HBP1: variants seen among roughly 807,000 people sequenced by gnomAD.
The protein encoded by HBP1 is HMG-box transcription factor 1.
HBP1 carries 20 observed loss-of-function variants against 62.6 expected under a neutral mutation model. The observed-to-expected ratio is 0.32, with a 90% CI of 0.22 to 0.46. HBP1 has a LOEUF of 0.46. Among genes scored for constraint, HBP1 ranks in the 20% least tolerant of loss-of-function variants. The pLI is 1.00. For missense variants in HBP1, 480 were observed against 611.8 expected (o/e 0.78, Z 2.27); for synonymous variants, 232 against 206.2 (o/e 1.12, Z -1.07).
At position 107,182,617 on chromosome 7, in the gene HBP1, A is replaced by G. The variant is rs1797164114; in HGVS notation, c.398+16A>G. 1 of 1,354,718 alleles carries G rather than the reference A, an allele frequency of 7.4e-7. No homozygotes were observed. The allele number at this position is 1,354,718 out of a possible 1,614,324, so 83.9% of individuals were successfully genotyped here. On this transcript the variant is annotated intron_variant, in intron 3 of 10. Coordinates refer to ENST00000222574, the MANE Select transcript of HBP1 (RefSeq NM_012257.4). ...TTTACAATAGGTAGGAGCATTTATT[A>G]TATTTTTATTGAAACATTCTATCAT...
At chr7:107,170,398 A>G (rs1796495593) in intron 1 of HBP1, among the ~76,000 whole-genome samples, 1 of 152,094 alleles carries the variant, frequency 6.6e-6, no homozygotes, top group Non-Finnish European at 1.5e-5. Flanking sequence ...AGTGATCTAA[A>G]TCTGCAATGT....
intron 7 of HBP1, chr7:107,189,826 T>A (rs1301741153): frequency 8.7e-6 from 2 of 229,880 alleles, no homozygotes; most frequent in East Asian, 2.0e-4. Flanking sequence ...TAAAGATGAT[T>A]TTATAATTCA....
At chr7:107,186,185 CA>C (rs1797366876) in intron 4 of HBP1, among the ~76,000 whole-genome samples, 175 bp from the exon 5 acceptor site, 1 of 106,342 alleles carries the variant, frequency 9.4e-6, no homozygotes, top group African/African-American at 3.3e-5. Context: ...TTTTTTTTAG[CA>C]AATTCTCCCA....
At chr7:107,177,707 G>C (rs1263862283) in intron 1 of HBP1, among the ~76,000 whole-genome samples, 1 of 151,894 alleles carries the variant, frequency 6.6e-6, no homozygotes, top group African/African-American at 2.4e-5. Context: ...TAGGCCAAAA[G>C]GTATCAAACT....
At position 107,182,505 on chromosome 7, in the gene HBP1, C is replaced by T. The variant is rs1429302230; in HGVS notation, c.302C>T (p.Thr101Ile). Reference protein sequence around the residue: ...WNQNTSDIPETTYRENEVDWL... With the variant: ...WNQNTSDIPEITYRENEVDWL... ...CAAAATACCTCAGACATACCAGAAACTACTTACCGTGAAAATGAGGTGGAC... is the reference window on the plus strand; with the variant it reads ...CAAAATACCTCAGACATACCAGAAATTACTTACCGTGAAAATGAGGTGGAC... The change falls in exon 3 of 11, where the codon ACT becomes ATT. Residue 101 changes from threonine to isoleucine, a missense_variant. Thr to Ile is a moderately conservative substitution (Grantham distance 89). Coordinates refer to ENST00000222574, the MANE Select transcript of HBP1 (RefSeq NM_012257.4). 1 of 1,613,382 alleles carries T rather than the reference C, an allele frequency of 6.2e-7. No individual in the cohort carries two copies. Among genetic ancestry groups the T allele is most frequent in the East Asian group, 2.2e-5 (1 of 44,876 alleles).
chr7:107,176,283 C>G (rs1393191195), intron 1 of HBP1, among the ~76,000 whole-genome samples: 2 of 152,096 alleles, frequency 1.3e-5, no homozygotes, highest in Non-Finnish European at 2.9e-5. Context: ...CTCGGCTTCC[C>G]AAAGTGCTGG....
chr7:107,192,068 A>G (rs1279650436), intron 8 of HBP1, among the ~76,000 whole-genome samples: 1 of 152,126 alleles, frequency 6.6e-6, no homozygotes, highest in African/African-American at 2.4e-5. Context: ...CTGTGACAAC[A>G]TATATGAAAT....
intron 1 of HBP1, among the ~76,000 whole-genome samples, chr7:107,179,172 T>G (rs533829476): frequency 6.6e-6 from 1 of 152,350 alleles, no homozygotes; most frequent in Non-Finnish European, 1.5e-5. Flanking sequence ...TCTTCCAGTT[T>G]TTTTTAACTT....
intron 1 of HBP1, among the ~76,000 whole-genome samples, chr7:107,170,702 A>C (rs1316042992): frequency 2.0e-5 from 3 of 151,902 alleles, no homozygotes; most frequent in African/African-American, 7.3e-5. Context: ...TTCTAGTTTC[A>C]TCTTAGTTTT....
At chr7:107,192,140 C>CA (rs1286874257) in intron 8 of HBP1, among the ~76,000 whole-genome samples, 1 of 151,822 alleles carries the variant, frequency 6.6e-6, no homozygotes, top group Admixed American at 6.6e-5. Flanking sequence ...TGAGAGCAGT[C>CA]ACGTAGGTTT....
chr7:107,200,362 T>A (rs531246966), intron 10 of HBP1, 61 bp downstream of exon 10: 1 of 1,419,406 alleles, frequency 7.0e-7, no homozygotes, highest in East Asian at 2.3e-5. Flanking sequence ...TGTACTGGCA[T>A]GTTGGAGCAG....
chr7:107,186,679 A>G lies in HBP1; in HGVS notation c.763A>G (p.Lys255Glu), dbSNP rs757406568. ...GGAAGATCTTCAAATGGGCATTCAC[A>G]AGGTTGATTTAAAATTCTTAAAAAA... ...NEEDLQMGIH[K>E]GYGSDGLKLL... The change falls in exon 6 of 11, where the codon AAG (lysine) becomes GAG (glutamate). Residue 255 changes from lysine (K) to glutamate (E), a missense_variant and splice_region_variant. By Grantham distance (56) the Lys-to-Glu change is moderately conservative. Around this residue, in one of 4 missense-constraint regions of HBP1, gnomAD observed 304 missense variants for 330.9 expected, o/e 0.92. Coordinates refer to ENST00000222574, the MANE Select transcript of HBP1 (RefSeq NM_012257.4). 1.7e-5 allele frequency: 26 copies of G among 1,563,152 alleles called. No individual in the cohort carries two copies. The highest frequency in any genetic ancestry group is 4.1e-5 in the African/African-American group (3 of 73,142).
At chr7:107,169,706 GC>G (rs1309979863) in intron 1 of HBP1, 1 of 982,122 alleles carries the variant, frequency 1.0e-6, no homozygotes, top group Non-Finnish European at 1.2e-6. Context: ...GGGCCCCGGG[GC>G]TCATTGTTAC....
At chr7:107,189,803 A>G in intron 7 of HBP1, 1 of 230,714 alleles carries the variant, frequency 4.3e-6, no homozygotes, top group Admixed American at 5.3e-5. Context: ...GCCTTATTAC[A>G]GTAACACCAT....
At chr7:107,186,331 TAAA>T (rs1562893034) in intron 4 of HBP1, 27 bp from the exon 5 acceptor site, 4 of 1,310,716 alleles carry the variant, frequency 3.1e-6, no homozygotes, top group Non-Finnish European at 4.4e-6. Flanking sequence ...TAAAAACAAA[TAAA>T]AAAGTTGATA....
chr7:107,195,913 T>C lies in HBP1; in HGVS notation c.1147T>C (p.Cys383Arg). ...TCGCCAGCGTCGTGCATCTTTGTCT[T>C]GTGGAGGACCTGGTGGTCAAGACTT... is the stretch of plus-strand genomic sequence containing the variant. ...MARQRRASLS[C>R]GGPGGQDFAR... is the part of the protein sequence containing the mutation. The change falls in exon 9 of 11, where the codon TGT becomes CGT. Residue 383 changes from cysteine (C) to arginine (R), a missense_variant. Transcript: ENST00000222574. 2 of 1,613,874 alleles carry C rather than the reference T, an allele frequency of 1.2e-6. No individual in the cohort carries two copies. The highest frequency in any genetic ancestry group is 1.7e-6 in the Non-Finnish European group (2 of 1,179,734).
Position 107,201,656 on chromosome 7 carries a change from TC to T in HBP1, c.*226del. On this transcript the variant is annotated 3_prime_UTR_variant, in exon 11 of 11. Transcript: ENST00000222574. ...ATTTTAAACCAAATTGCCTTATTTT[TC>T]TTCCAAACTTCATATATGTCTATCA... 2.4e-6 allele frequency: 1 copy of T among 411,652 alleles called. No individual in the cohort carries two copies. The highest frequency in any genetic ancestry group is 4.4e-6 in the Non-Finnish European group (1 of 229,482). 25.5% of individuals were successfully genotyped at this position (411,652 alleles called of 1,614,324 possible). A position where few individuals can be genotyped will look rare whatever the true frequency, so the allele number is the denominator to read the frequency against.
intron 8 of HBP1, among the ~76,000 whole-genome samples, chr7:107,194,549 G>A (rs914093924): frequency 2.6e-5 from 4 of 152,234 alleles, no homozygotes; most frequent in Admixed American, 6.5e-5. Flanking sequence ...TTGTGTGCTT[G>A]ATAAGTGGTA....
At chr7:107,185,537 T>A (rs531706605) in intron 3 of HBP1, among the ~76,000 whole-genome samples, 1 of 152,202 alleles carries the variant, frequency 6.6e-6, no homozygotes, top group South Asian at 2.1e-4. Flanking sequence ...GAAAAATGAA[T>A]GGGATAAATA....
Sources: allele counts gnomAD v4.1 joint callset (sites outside exome capture counted in the v4.1 genomes callset), GRCh38; gene constraint gnomAD v4.1.1; regional missense constraint gnomAD v4.1.1; transcripts MANE v1.5; gene names NCBI Gene and HGNC (gene_info 2026-07-23, HGNC 2026-07-21).